The following DCC variants were observed in gnomAD, a reference collection of about 807,000 sequenced individuals.
DCC encodes the protein DCC netrin 1 receptor, also known as netrin receptor DCC.
DCC carries 58 observed loss-of-function variants against 172.5 expected under a neutral mutation model. That is an observed-to-expected ratio of 0.34 (90% CI 0.27 to 0.42). DCC has a LOEUF of 0.42. DCC is among the 10% of genes least tolerant of loss of function. The pLI, the probability that DCC is intolerant of heterozygous loss-of-function variation, is 1.00. For synonymous variants in DCC, 709 were observed against 644.5 expected, an observed-to-expected ratio of 1.10 and a Z score of -1.52; for missense variants, 1,740 against 1,791.0, an observed-to-expected ratio of 0.97 and a Z score of 0.51.
chr18:52,526,871 C>T (rs1181478463), intron 1 of DCC, among the ~76,000 whole-genome samples: 3 of 152,158 alleles, frequency 2.0e-5, no homozygotes, highest in East Asian at 1.9e-4. Flanking sequence ...TAGTAAAATG[C>T]TCTCTCTGTA....
chr18:52,645,353 A>G (rs2034999333), intron 1 of DCC, among the ~76,000 whole-genome samples: 1 of 152,132 alleles, frequency 6.6e-6, no homozygotes, highest in Non-Finnish European at 1.5e-5. Flanking sequence ...ACTTTCATTG[A>G]CATAAACCAC....
chr18:53,090,698 C>CAAAAAAAAAAAAAAAACAAAA (rs2042991027), intron 7 of DCC, among the ~76,000 whole-genome samples: 1 of 39,356 alleles, frequency 2.5e-5, no homozygotes, highest in Admixed American at 4.8e-4. Context: ...CGTCCCCCAA[C>CAAAAAAAAAAAAAAAACAAAA]AAAAAAAAAA....
intron 1 of DCC, among the ~76,000 whole-genome samples, chr18:52,479,894 T>C (rs973856495): frequency 6.6e-6 from 1 of 151,944 alleles, no homozygotes; most frequent in East Asian, 1.9e-4. Flanking sequence ...CGACTTCTGC[T>C]CTCAGTTCCA....
At chr18:53,010,053 C>T (rs2041706025) in intron 5 of DCC, among the ~76,000 whole-genome samples, 1 of 151,968 alleles carries the variant, frequency 6.6e-6, no homozygotes. Context: ...TAGACCCACT[C>T]CTGTGATCTT....
chr18:53,172,542 A>G (rs2055029301), intron 8 of DCC, among the ~76,000 whole-genome samples: 5 of 152,166 alleles, frequency 3.3e-5, no homozygotes, highest in Admixed American at 3.3e-4. Flanking sequence ...CTTGGAACAC[A>G]GTTATTTCAT....
intron 8 of DCC, among the ~76,000 whole-genome samples, chr18:53,161,597 C>A (rs2054840560): frequency 6.6e-6 from 1 of 152,114 alleles, no homozygotes; most frequent in Non-Finnish European, 1.5e-5. Flanking sequence ...CTTGATTTCT[C>A]AACATCAATA....
At chr18:52,902,570 C>T (rs905170710) in intron 2 of DCC, among the ~76,000 whole-genome samples, 8 of 152,138 alleles carry the variant, frequency 5.3e-5, no homozygotes, top group African/African-American at 9.6e-5. Context: ...ATGACTTTTA[C>T]GAAAATATAG....
chr18:52,927,554 T>C (rs908648274), intron 5 of DCC, among the ~76,000 whole-genome samples: 6 of 152,044 alleles, frequency 3.9e-5, no homozygotes, highest in African/African-American at 1.4e-4. Flanking sequence ...GATGCTTCTT[T>C]GATTTTTCCT....
At chr18:53,044,304 G>A (rs558405904) in intron 5 of DCC, among the ~76,000 whole-genome samples, 1 of 151,916 alleles carries the variant, frequency 6.6e-6, no homozygotes, top group African/African-American at 2.4e-5. Context: ...CCTTGTTCAG[G>A]AATCATGAAG....
chr18:53,163,064 C>T (rs2054866656), intron 8 of DCC, among the ~76,000 whole-genome samples: 1 of 152,220 alleles, frequency 6.6e-6, no homozygotes, highest in African/African-American at 2.4e-5. Context: ...ATTTTGATTA[C>T]ATTACTGTTA....
At chr18:52,413,826 T>G (rs1986924233) in intron 1 of DCC, among the ~76,000 whole-genome samples, 1 of 152,138 alleles carries the variant, frequency 6.6e-6, no homozygotes, top group Admixed American at 6.6e-5. Flanking sequence ...TCGGTGTCTT[T>G]TCTCTTTAGA....
chr18:52,544,099 T>C (rs1441018279), intron 1 of DCC, among the ~76,000 whole-genome samples: 1 of 152,170 alleles, frequency 6.6e-6, no homozygotes, highest in African/African-American at 2.4e-5. Context: ...TTTGGCCCTG[T>C]TGTTCTGAGG....
At chr18:52,610,357 G>C (rs1245347501) in intron 1 of DCC, among the ~76,000 whole-genome samples, 4 of 109,530 alleles carry the variant, frequency 3.7e-5, no homozygotes, top group African/African-American at 1.4e-4. Context: ...TCCAGAATGG[G>C]TGAGAGAGCG....
intron 7 of DCC, among the ~76,000 whole-genome samples, chr18:53,101,607 C>T (rs2043172853): frequency 6.6e-6 from 1 of 152,152 alleles, no homozygotes; most frequent in South Asian, 2.1e-4. Context: ...CATAAGGCTA[C>T]TTAGCCAAGA....
At chr18:53,447,213 C>T (rs887759497) in intron 22 of DCC, among the ~76,000 whole-genome samples, 4 of 152,304 alleles carry the variant, frequency 2.6e-5, no homozygotes, top group African/African-American at 9.6e-5. Flanking sequence ...TAGAACACAA[C>T]TCCTGCAAAT....
chr18:52,744,959 C>T (rs1599067979), intron 1 of DCC, among the ~76,000 whole-genome samples: 1 of 152,120 alleles, frequency 6.6e-6, no homozygotes, highest in African/African-American at 2.4e-5. Context: ...CCTCTCATAG[C>T]CCCTTATGTG....
intron 26 of DCC, among the ~76,000 whole-genome samples, chr18:53,489,161 C>T (rs757380761): frequency 1.2e-4 from 19 of 152,004 alleles, no homozygotes; most frequent in Middle Eastern, 3.4e-3. Flanking sequence ...AGTAGTTATA[C>T]GACAAAATGC....
At chr18:52,435,302 C>T (rs749294234) in intron 1 of DCC, among the ~76,000 whole-genome samples, 3 of 150,602 alleles carry the variant, frequency 2.0e-5, no homozygotes, top group East Asian at 1.9e-4. Flanking sequence ...TGTGTGTGCA[C>T]GTGTGTGTGT....
At chr18:53,425,581 C>T (rs1568123079) in intron 21 of DCC, among the ~76,000 whole-genome samples, 1 of 151,918 alleles carries the variant, frequency 6.6e-6, no homozygotes, top group Non-Finnish European at 1.5e-5. Flanking sequence ...AGGTTGGTCT[C>T]GAACTCCTGA....
Sources: gnomAD v4.1 joint callset for allele counts (sites outside exome capture counted in the v4.1 genomes callset) on GRCh38, gnomAD v4.1.1 for gene constraint, MANE v1.5 for transcripts, NCBI Gene and HGNC (gene_info 2026-07-23, HGNC 2026-07-21) for gene names.